Variants in KCNH5 observed in about 807,000 individuals in gnomAD.
KCNH5 encodes voltage-gated delayed rectifier potassium channel KCNH5.
In KCNH5, 46 loss-of-function variants were observed where a neutral mutation model predicts 96.1. The ratio of observed to expected loss-of-function variants is 0.48; its 90% CI spans 0.38 to 0.61. The LOEUF is 0.61. KCNH5 is among the 20% of genes least tolerant of loss of function. The pLI is 0.00. For synonymous variants in KCNH5, 439 were observed against 449.8 expected (o/e 0.98, Z 0.30); for missense variants, 907 against 1,225.8 (o/e 0.74, Z 3.88).
At chr14:63,039,362 T>C (rs116853434) in intron 1 of KCNH5, among the ~76,000 whole-genome samples, 4,251 of 152,188 alleles carry the variant, frequency 0.028, 78 homozygotes, top group Middle Eastern at 0.041. Flanking sequence ...ATTTTTAAAA[T>C]TTGGGTAAAA....
intron 7 of KCNH5, among the ~76,000 whole-genome samples, chr14:62,930,465 A>G (rs2140115343): frequency 6.6e-6 from 1 of 152,292 alleles, no homozygotes; most frequent in East Asian, 1.9e-4. Flanking sequence ...TTTTAAAGGC[A>G]ATGTTTATAT....
intron 10 of KCNH5, among the ~76,000 whole-genome samples, chr14:62,760,086 A>G (rs950733149): frequency 5.9e-5 from 9 of 152,144 alleles, no homozygotes; most frequent in African/African-American, 2.2e-4. Context: ...GTGGAGTTGC[A>G]AATCCAGGAG....
chr14:63,026,510 A>G (rs1891526816), intron 1 of KCNH5, among the ~76,000 whole-genome samples: 1 of 139,802 alleles, frequency 7.2e-6, no homozygotes. Context: ...CTTGATAGTA[A>G]GAAAACAAAT....
intron 7 of KCNH5, among the ~76,000 whole-genome samples, chr14:62,850,905 C>T (rs968227824): frequency 6.6e-6 from 1 of 152,160 alleles, no homozygotes; most frequent in Non-Finnish European, 1.5e-5. Context: ...TAATTTCCAT[C>T]CTACATCCTC....
chr14:62,884,403 T>C (rs1481018873), intron 7 of KCNH5, among the ~76,000 whole-genome samples: 5 of 152,216 alleles, frequency 3.3e-5, no homozygotes, highest in African/African-American at 1.2e-4. Context: ...GGTGGGCAGA[T>C]TGCCTGGCTT....
At chr14:62,956,656 A>C (rs1363934535) in intron 6 of KCNH5, among the ~76,000 whole-genome samples, 1 of 151,962 alleles carries the variant, frequency 6.6e-6, no homozygotes, top group African/African-American at 2.4e-5. Context: ...AGTCATAGCT[A>C]TCAATGTATC....
intron 7 of KCNH5, among the ~76,000 whole-genome samples, chr14:62,918,550 C>T (rs1595684273): frequency 6.6e-6 from 1 of 151,922 alleles, no homozygotes; most frequent in African/African-American, 2.4e-5. Flanking sequence ...AAACAGCATA[C>T]TAATAAAAAC....
At chr14:63,014,687 A>G (rs1891291098) in intron 2 of KCNH5, among the ~76,000 whole-genome samples, 1 of 152,136 alleles carries the variant, frequency 6.6e-6, no homozygotes, top group Non-Finnish European at 1.5e-5. Context: ...GGGATAAGGC[A>G]AGTTAGTTTA....
chr14:62,825,685 A>G (rs1807346935), intron 8 of KCNH5, among the ~76,000 whole-genome samples: 1 of 152,134 alleles, frequency 6.6e-6, no homozygotes, highest in Non-Finnish European at 1.5e-5. Context: ...AATATAGTCT[A>G]TATATTTCCA....
intron 10 of KCNH5, among the ~76,000 whole-genome samples, chr14:62,755,694 T>C (rs1473818626): frequency 1.3e-5 from 2 of 152,316 alleles, no homozygotes; most frequent in African/African-American, 2.4e-5. Context: ...TGAACACTGA[T>C]GTAAAAACCT....
At chr14:62,920,578 C>T (rs935605640) in intron 7 of KCNH5, among the ~76,000 whole-genome samples, 38 of 151,912 alleles carry the variant, frequency 2.5e-4, no homozygotes, top group African/African-American at 7.7e-4. Flanking sequence ...ATCTTCGACC[C>T]GCCTGTGCAA....
intron 9 of KCNH5, among the ~76,000 whole-genome samples, chr14:62,793,638 A>T (rs1225048182): frequency 6.6e-6 from 1 of 151,632 alleles, no homozygotes; most frequent in Non-Finnish European, 1.5e-5. Flanking sequence ...ACCTTATGCT[A>T]TATTATTTAT....
chr14:62,989,414 A>G (rs773609840), intron 4 of KCNH5, among the ~76,000 whole-genome samples: 9 of 152,086 alleles, frequency 5.9e-5, no homozygotes, highest in Non-Finnish European at 1.3e-4. Flanking sequence ...CTAAAATTAA[A>G]TCTACTAGGA....
chr14:62,744,253 G>A (rs1315293929), intron 10 of KCNH5, among the ~76,000 whole-genome samples: 1 of 152,082 alleles, frequency 6.6e-6, no homozygotes, highest in Non-Finnish European at 1.5e-5. Flanking sequence ...ACTTAATATT[G>A]AGGGATTATA....
At chr14:62,913,700 G>A (rs1889216926) in intron 7 of KCNH5, among the ~76,000 whole-genome samples, 1 of 152,094 alleles carries the variant, frequency 6.6e-6, no homozygotes, top group Non-Finnish European at 1.5e-5. Flanking sequence ...CCCAAGCTTA[G>A]ATGGCTTTTA....
chr14:62,810,396 C>A (rs1457526944), intron 8 of KCNH5, among the ~76,000 whole-genome samples: 3 of 152,026 alleles, frequency 2.0e-5, no homozygotes, highest in African/African-American at 7.2e-5. Flanking sequence ...GGGATGCGAA[C>A]TAGAACAAGT....
At chr14:63,027,946 A>C (rs1891556016) in intron 1 of KCNH5, among the ~76,000 whole-genome samples, 1 of 152,108 alleles carries the variant, frequency 6.6e-6, no homozygotes, top group African/African-American at 2.4e-5. Context: ...AATTTCTCAG[A>C]CTACATTTAC....
At chr14:62,749,267 G>A (rs1415770496) in intron 10 of KCNH5, among the ~76,000 whole-genome samples, 2 of 152,132 alleles carry the variant, frequency 1.3e-5, no homozygotes, top group African/African-American at 2.4e-5. Flanking sequence ...AACAGGAGTC[G>A]AAGGTCACTG....
intron 10 of KCNH5, among the ~76,000 whole-genome samples, chr14:62,777,265 T>C (rs1186478802): frequency 6.6e-6 from 1 of 152,166 alleles, no homozygotes; most frequent in Non-Finnish European, 1.5e-5. Context: ...GTCTAAAAAA[T>C]ACAGGTTTTA....
Sources: gnomAD v4.1 joint callset for allele counts (sites outside exome capture counted in the v4.1 genomes callset) on GRCh38, gnomAD v4.1.1 for gene constraint, MANE v1.5 for transcripts, NCBI Gene and HGNC (gene_info 2026-07-23, HGNC 2026-07-21) for gene names.